SRGAP3: variants seen among roughly 807,000 people sequenced by gnomAD.
SRGAP3 encodes the protein SLIT-ROBO Rho GTPase-activating protein 3.
Under a neutral mutation model 121.1 loss-of-function variants are expected in SRGAP3, and 39 were observed. The ratio of observed to expected loss-of-function variants is 0.32; its 90% CI spans 0.25 to 0.42. The LOEUF is 0.42. SRGAP3 is among the 10% of genes least tolerant of loss of function. The pLI is 1.00. For synonymous variants in SRGAP3, 601 were observed against 570.0 expected (o/e 1.05, Z -0.77); for missense variants, 1,213 against 1,470.6 (o/e 0.82, Z 2.86).
At chr3:9,002,208 G>A (rs2124985758) in intron 18 of SRGAP3, among the ~76,000 whole-genome samples, 1 of 152,202 alleles carries the variant, frequency 6.6e-6, no homozygotes, top group Admixed American at 6.5e-5. Context: ...AATACAAAAT[G>A]TGTTCTTCTA....
At chr3:9,267,962 G>GTTAAA (rs1030768403) in intron 3 of SRGAP3, among the ~76,000 whole-genome samples, 3 of 152,206 alleles carry the variant, frequency 2.0e-5, no homozygotes, top group African/African-American at 7.2e-5. Flanking sequence ...GGGTTGAAGG[G>GTTAAA]ATTCAGAAGA....
chr3:9,045,040 A>G (rs866421226), intron 10 of SRGAP3, among the ~76,000 whole-genome samples: 3 of 152,228 alleles, frequency 2.0e-5, no homozygotes, highest in South Asian at 2.1e-4. Flanking sequence ...GTTAATAATA[A>G]TGTACCATAT....
rs1038200199 is a variant in SRGAP3, at chr3:8,985,319, C to G, written c.*200G>C. 3.3e-6 allele frequency: 4 copies of G among 1,198,008 alleles called. No homozygotes were observed. In the African/African-American group the frequency reaches 6.4e-5, roughly 19 times the overall value. 74.2% of individuals were successfully genotyped at this position (1,198,008 alleles called of 1,614,324 possible). On this transcript the variant is annotated 3_prime_UTR_variant, in exon 22 of 22. Coordinates refer to ENST00000383836, the MANE Select transcript of SRGAP3 (RefSeq NM_014850.4). This position sits in a 1 kb window ranked among gnomAD's most constrained non-coding sequence, Gnocchi z 5.1. ...GCACTCCTCTGGTCGTCTGTTGACACGCGAGAGGTCCGTGGGATTCCCATG... is the reference window on the plus strand; with the variant it reads ...GCACTCCTCTGGTCGTCTGTTGACAGGCGAGAGGTCCGTGGGATTCCCATG...
chr3:9,342,920 G>A (rs1040213650), intron 1 of SRGAP3, among the ~76,000 whole-genome samples: 2 of 152,176 alleles, frequency 1.3e-5, no homozygotes, highest in East Asian at 3.8e-4. Flanking sequence ...AAGCAACCTC[G>A]AACTTGTCCA....
chr3:8,999,331 T>C (rs1406585732), intron 18 of SRGAP3, among the ~76,000 whole-genome samples: 12 of 152,246 alleles, frequency 7.9e-5, no homozygotes, highest in Non-Finnish European at 1.5e-5. Context: ...TAGCATGGGC[T>C]AGACATGGGC....
chr3:9,356,574 C>T (rs866767394), intron 1 of SRGAP3, among the ~76,000 whole-genome samples: 1 of 151,748 alleles, frequency 6.6e-6, no homozygotes, highest in Non-Finnish European at 1.5e-5. Context: ...GGGGTTTCAC[C>T]GTGTTAGCCA....
intron 3 of SRGAP3, among the ~76,000 whole-genome samples, chr3:9,258,192 A>G (rs1954175866): frequency 6.6e-6 from 1 of 152,140 alleles, no homozygotes; most frequent in South Asian, 2.1e-4. Flanking sequence ...AGGGCACTTG[A>G]CCTAGACTTG....
chr3:9,234,277 C>T (rs892311875), intron 1 of SRGAP3, among the ~76,000 whole-genome samples: 5 of 152,292 alleles, frequency 3.3e-5, no homozygotes, highest in African/African-American at 1.2e-4. Flanking sequence ...GGTAATAGAT[C>T]TTTGGGAGAC....
chr3:9,106,161 G>T (rs1948413168), intron 2 of SRGAP3, among the ~76,000 whole-genome samples: 1 of 152,208 alleles, frequency 6.6e-6, no homozygotes, highest in Admixed American at 6.5e-5. Flanking sequence ...CTCAGGAAAG[G>T]GTGGATACAC....
At chr3:9,024,541 T>A (rs1249910057) in intron 14 of SRGAP3, among the ~76,000 whole-genome samples, 4 of 152,242 alleles carry the variant, frequency 2.6e-5, no homozygotes. Flanking sequence ...ACACTGTCAC[T>A]GGCCATCTGT....
At chr3:9,021,764 C>T (rs1943934056) in intron 14 of SRGAP3, among the ~76,000 whole-genome samples, 1 of 152,118 alleles carries the variant, frequency 6.6e-6, no homozygotes, top group African/African-American at 2.4e-5. Context: ...GAATGGGCAC[C>T]CTGCAGGAAT....
chr3:9,017,562 TG>T (rs1358384566), intron 14 of SRGAP3, among the ~76,000 whole-genome samples: 2 of 152,254 alleles, frequency 1.3e-5, no homozygotes, highest in Admixed American at 1.3e-4. Flanking sequence ...AGTAGATCAG[TG>T]GTTGCCTAGG....
intron 1 of SRGAP3, among the ~76,000 whole-genome samples, chr3:9,208,131 T>C (rs1298419893): frequency 6.6e-6 from 1 of 152,146 alleles, no homozygotes; most frequent in Non-Finnish European, 1.5e-5. Flanking sequence ...CTGGGCACCG[T>C]AGCCTTCCTG....
At chr3:9,354,792 T>C (rs1036911889) in intron 1 of SRGAP3, among the ~76,000 whole-genome samples, 1 of 152,082 alleles carries the variant, frequency 6.6e-6, no homozygotes, top group Non-Finnish European at 1.5e-5. Flanking sequence ...TTTGTGTCAC[T>C]ATATCTGATA....
At chr3:9,147,423 C>T (rs946684680) in intron 1 of SRGAP3, among the ~76,000 whole-genome samples, 11 of 152,128 alleles carry the variant, frequency 7.2e-5, no homozygotes, top group African/African-American at 2.2e-4. Context: ...CACAAACCTA[C>T]AGCAGCCTAG....
rs577894119 is a variant in SRGAP3, at chr3:8,987,463, G to GGGGTTGGA, written c.2887-1539_2887-1532dup. The stretch of plus-strand genomic sequence containing the variant: ...GTATGAGTCTGGTGAAACAGATGGT[G>GGGGTTGGA]GGGTTGGAGCCTGGAGATGCTGGGG... On this transcript the variant is annotated intron_variant, in intron 21 of 21. Transcript: ENST00000383836. Among the ~76,000 whole-genome samples the GGGGTTGGA allele has an allele frequency of 1.1e-4, 16 of 152,350 alleles. 1 individual carries two copies. In the East Asian group the frequency reaches 2.9e-3, roughly 28 times the overall value.
intron 18 of SRGAP3, among the ~76,000 whole-genome samples, chr3:9,009,936 C>T (rs1223657896): frequency 6.6e-6 from 1 of 152,216 alleles, no homozygotes; most frequent in East Asian, 1.9e-4. Flanking sequence ...CAAGTCCCAG[C>T]ACAGGCTTGG....
intron 1 of SRGAP3, among the ~76,000 whole-genome samples, chr3:9,204,220 AC>A (rs1347324936): frequency 6.6e-6 from 1 of 152,208 alleles, no homozygotes; most frequent in African/African-American, 2.4e-5. Context: ...GCCCTGTGTG[AC>A]CCTCAGAAAA....
intron 1 of SRGAP3, among the ~76,000 whole-genome samples, chr3:9,343,466 TA>T (rs1031589163): frequency 6.6e-6 from 1 of 152,232 alleles, no homozygotes; most frequent in African/African-American, 2.4e-5. Flanking sequence ...GCTGCCAAAG[TA>T]ATCTTTTGTT....
Sources: gnomAD v4.1 joint callset for allele counts (sites outside exome capture counted in the v4.1 genomes callset) on GRCh38, gnomAD v4.1.1 for gene constraint, Gnocchi (gnomAD v3.1) non-coding constraint, MANE v1.5 for transcripts, NCBI Gene and HGNC (gene_info 2026-07-23, HGNC 2026-07-21) for gene names.